STK39: variants seen among roughly 807,000 people sequenced by gnomAD.
The protein encoded by STK39 is serine/threonine kinase 39.
In STK39, 20 loss-of-function variants were observed where a neutral mutation model predicts 77.8. The observed-to-expected ratio is 0.26, with a 90% CI of 0.18 to 0.37. STK39 has a LOEUF of 0.37. Among genes scored for constraint, STK39 ranks in the 10% least tolerant of loss-of-function variants. The pLI, the probability that STK39 is intolerant of heterozygous loss-of-function variation, is 1.00. For missense variants in STK39, 479 were observed against 656.5 expected (o/e 0.73, Z 2.95); for synonymous variants, 246 against 234.1 (o/e 1.05, Z -0.47).
At chr2:168,105,027 GA>G (rs1298236639) in intron 10 of STK39, among the ~76,000 whole-genome samples, 4 of 152,094 alleles carry the variant, frequency 2.6e-5, no homozygotes, top group Admixed American at 6.5e-5. Context: ...GCAAGACAAA[GA>G]ACTGCACAGT....
intron 12 of STK39, among the ~76,000 whole-genome samples, chr2:168,070,484 T>C (rs530081565): frequency 1.3e-3 from 195 of 151,976 alleles, no homozygotes; most frequent in African/African-American, 4.1e-3. Context: ...CTAGGGTACA[T>C]GTGCACAACG....
chr2:167,994,259 T>C (rs896695799), intron 16 of STK39, among the ~76,000 whole-genome samples: 8 of 152,204 alleles, frequency 5.3e-5, no homozygotes, highest in Admixed American at 3.3e-4. Flanking sequence ...AATTACCATC[T>C]TCCTGGCTTC....
intron 10 of STK39, among the ~76,000 whole-genome samples, chr2:168,124,970 T>C (rs1011980048): frequency 6.6e-6 from 1 of 150,948 alleles, no homozygotes; most frequent in East Asian, 2.0e-4. Context: ...CTGGGGTCTG[T>C]AGGGGGGTGG....
At chr2:168,061,995 T>C (rs1335682297) in intron 14 of STK39, among the ~76,000 whole-genome samples, 1 of 152,120 alleles carries the variant, frequency 6.6e-6, no homozygotes, top group Admixed American at 6.6e-5. Flanking sequence ...GGAAGAACCA[T>C]CAATCAATTA....
chr2:167,960,749 T>C (rs1691932273), intron 17 of STK39, among the ~76,000 whole-genome samples: 2 of 151,948 alleles, frequency 1.3e-5, no homozygotes, highest in African/African-American at 4.8e-5. Context: ...CATTTTGGAA[T>C]CACTAGGAGA....
chr2:168,125,196 A>G (rs1348742421), intron 10 of STK39, among the ~76,000 whole-genome samples: 1 of 152,066 alleles, frequency 6.6e-6, no homozygotes, highest in Non-Finnish European at 1.5e-5. Flanking sequence ...AGAAAAGGAT[A>G]TAATAAGAAC....
chr2:168,098,304 C>T (rs1231093854), intron 10 of STK39, among the ~76,000 whole-genome samples: 2 of 152,150 alleles, frequency 1.3e-5, no homozygotes, highest in African/African-American at 4.8e-5. Flanking sequence ...TCAGCACAAT[C>T]ATTTTATACT....
chr2:168,168,030 T>C (rs931159193), intron 2 of STK39, among the ~76,000 whole-genome samples: 28 of 152,028 alleles, frequency 1.8e-4, no homozygotes, highest in African/African-American at 6.5e-4. Context: ...GATCAGATAA[T>C]ATATCTCATT....
Position 167,955,560 on chromosome 2 carries a change from C to T in STK39, c.1574G>A (p.Cys525Tyr), listed in dbSNP as rs541206860. 10 of 1,613,552 alleles carry T rather than the reference C, an allele frequency of 6.2e-6. No homozygotes were observed. Among genetic ancestry groups the T allele is most frequent in the Non-Finnish European group, 8.5e-6 (10 of 1,179,828 alleles). Residue 525 changes from cysteine to tyrosine, a missense_variant, in exon 18 of 18, where the codon TGT becomes TAT. Around this residue, in one of 3 missense-constraint regions of STK39, gnomAD observed 244 missense variants for 296.8 expected, o/e 0.82. Coordinates refer to ENST00000355999, the MANE Select transcript of STK39 (RefSeq NM_013233.3). ...TTCATCAGGAATCTCCGACCCATCA[C>T]AGCCAGAAGCCTGAAAAGGGAAAAA... ...KTLTFKLASGCDGSEIPDEVK... is the reference protein window; with the variant it reads ...KTLTFKLASGYDGSEIPDEVK...
intron 2 of STK39, among the ~76,000 whole-genome samples, chr2:168,170,834 G>C (rs146645423): frequency 2.4e-4 from 36 of 152,272 alleles, no homozygotes; most frequent in Admixed American, 9.8e-4. Flanking sequence ...TGGAAATAAG[G>C]GAGACTGTTG....
intron 1 of STK39, among the ~76,000 whole-genome samples, chr2:168,223,022 TAAAAC>T (rs1338794552): frequency 6.6e-6 from 1 of 152,140 alleles, no homozygotes; most frequent in African/African-American, 2.4e-5. Context: ...CTTTAATCCT[TAAAAC>T]AACTCTGCAA....
intron 5 of STK39, among the ~76,000 whole-genome samples, chr2:168,154,339 G>C (rs1688370737): frequency 6.6e-6 from 1 of 152,134 alleles, no homozygotes; most frequent in Admixed American, 6.5e-5. Flanking sequence ...CATTTTACAG[G>C]TGATACAAAC....
intron 10 of STK39, among the ~76,000 whole-genome samples, chr2:168,097,069 T>C (rs1459430777): frequency 6.6e-6 from 1 of 152,216 alleles, no homozygotes; most frequent in Admixed American, 6.5e-5. Flanking sequence ...AGGGTTAAAG[T>C]TGGCAAGTAC....
chr2:168,088,752 C>G (rs1391266678), intron 10 of STK39, among the ~76,000 whole-genome samples: 2 of 152,128 alleles, frequency 1.3e-5, no homozygotes, highest in Non-Finnish European at 2.9e-5. Context: ...ATGCACATAG[C>G]ATTTTGGGAA....
intron 10 of STK39, among the ~76,000 whole-genome samples, chr2:168,129,089 A>G (rs913927668): frequency 6.6e-6 from 1 of 152,342 alleles, no homozygotes; most frequent in South Asian, 2.1e-4. Context: ...AAGGTAAACT[A>G]AAAAAGGGAC....
At chr2:168,099,927 C>T (rs1686775855) in intron 10 of STK39, among the ~76,000 whole-genome samples, 1 of 152,152 alleles carries the variant, frequency 6.6e-6, no homozygotes, top group African/African-American at 2.4e-5. Context: ...ACAAGAGTCT[C>T]CATTGCTTTT....
intron 14 of STK39, among the ~76,000 whole-genome samples, chr2:168,055,413 T>C (rs898681796): frequency 2.0e-5 from 3 of 152,210 alleles, no homozygotes; most frequent in African/African-American, 4.8e-5. Context: ...AAATAATAAA[T>C]TGAAGTATGC....
At chr2:168,071,972 A>C (rs1685953183) in intron 12 of STK39, among the ~76,000 whole-genome samples, 1 of 152,158 alleles carries the variant, frequency 6.6e-6, no homozygotes, top group Non-Finnish European at 1.5e-5. Context: ...ATACATACAC[A>C]AAAAAGTTAA....
intron 1 of STK39, among the ~76,000 whole-genome samples, chr2:168,239,776 A>G (rs1269603442): frequency 1.3e-5 from 2 of 152,248 alleles, no homozygotes; most frequent in Non-Finnish European, 2.9e-5. Flanking sequence ...AACAGTCTAG[A>G]GCCAGGCTGG....
Sources: gnomAD v4.1 joint callset for allele counts (sites outside exome capture counted in the v4.1 genomes callset) on GRCh38, gnomAD v4.1.1 for gene constraint, gnomAD v4.1.1 regional missense constraint, MANE v1.5 for transcripts, NCBI Gene and HGNC (gene_info 2026-07-23, HGNC 2026-07-21) for gene names.